Variants in MCM10 observed in about 807,000 individuals in gnomAD.
MCM10 encodes minichromosome maintenance 10 replication initiation factor.
A neutral mutation model predicts 109.9 loss-of-function variants in MCM10; 91 were observed. The observed-to-expected ratio is 0.83, with a 90% CI of 0.70 to 0.99. MCM10 has a LOEUF of 0.99. MCM10 is among the 50% of genes least tolerant of loss of function. MCM10 has a pLI of 0.00. For synonymous variants in MCM10, 380 were observed against 387.2 expected, an observed-to-expected ratio of 0.98 and a Z score of 0.22; for missense variants, 1,077 against 1,061.2, an observed-to-expected ratio of 1.01 and a Z score of -0.21.
Position 13,186,169 on chromosome 10 carries a change from T to C in MCM10, c.1104T>C (p.Cys368=). 6.2e-7 allele frequency: 1 copy of C among 1,600,262 alleles called. No individual in the cohort carries two copies. The highest frequency in any genetic ancestry group is 8.6e-7 in the Non-Finnish European group (1 of 1,168,068). Reference sequence around the variant, plus strand: ...TGCCCCACCTTTTCTTACAGGTGTGTTTATCTATCGATCATCCTCAGAAGG... The same window carrying C: ...TGCCCCACCTTTTCTTACAGGTGTGCTTATCTATCGATCATCCTCAGAAGG... ...MKPKDGSEEV[C]LSIDHPQKVL... is the part of the protein sequence containing the mutation. Residue 368 remains cysteine (C), a synonymous_variant, in exon 9 of 20, where the codon TGT becomes TGC. Transcript: ENST00000378714.
Position 13,186,228 on chromosome 10 carries a change from C to G in MCM10, c.1163C>G (p.Thr388Ser), listed in dbSNP as rs141332737. Reference sequence around the variant, plus strand: ...ATGGGTGAAGCTCTTGACCTGGGAACCTGTAAAGCCAAGAAGAAGAATGGA... The same window carrying G: ...ATGGGTGAAGCTCTTGACCTGGGAAGCTGTAAAGCCAAGAAGAAGAATGGA... The part of the protein sequence containing the change: ...LIMGEALDLG[T>S]CKAKKKNGEP... Residue 388 changes from threonine (T) to serine (S), a missense_variant, in exon 9 of 20, where the codon ACC becomes AGC. Transcript: ENST00000378714. 657 of 1,613,390 alleles carry G rather than the reference C, an allele frequency of 4.1e-4. 6 individuals carry two copies. The African/African-American group carries it at 7.5e-3, about 18-fold the overall frequency.
At chr10:13,164,026 G>C (rs1174762989) in intron 1 of MCM10, 102 bp from the exon 2 acceptor site, 1 of 444,894 alleles carries the variant, frequency 2.2e-6, no homozygotes, top group African/African-American at 2.0e-5. Flanking sequence ...GAATTCTGAG[G>C]TTAGAGCCCA....
chr10:13,188,965 T>C lies in MCM10; in HGVS notation c.1300T>C (p.Ser434Pro), dbSNP rs773787596. ...AKRADLQSTF[S>P]GGRIPKKFAR... ...GCGTGCGGATCTGCAGTCCACCTTC[T>C]CTGGAGGACGAATTCCAAAGAAGTT... The change falls in exon 10 of 20, where the codon TCT becomes CCT. Residue 434 changes from serine (S) to proline (P), a missense_variant. Transcript: ENST00000378714. 3.7e-6 allele frequency: 6 copies of C among 1,614,194 alleles called. No individual in the cohort carries two copies. In the Admixed American group the frequency reaches 1.0e-4, roughly 27 times the overall value.
chr10:13,190,405 C>T (rs1366272542), intron 10 of MCM10, among the ~76,000 whole-genome samples: 1 of 152,146 alleles, frequency 6.6e-6, no homozygotes, highest in Non-Finnish European at 1.5e-5. Context: ...AGTTCTAGGC[C>T]AGGCACAGTG....
In MCM10 at chr10:13,172,593, G is replaced by C; in HGVS notation, c.455-35G>C. 1 of 1,613,044 alleles carries C rather than the reference G, an allele frequency of 6.2e-7. No individual in the cohort carries two copies. The highest frequency in any genetic ancestry group is 8.5e-7 in the Non-Finnish European group (1 of 1,179,516). ...GCCCTTTGAACCTCTTTCTGAATGG[G>C]TTTTTACTCACTTATTTTACTTTTG... On this transcript the variant is annotated intron_variant, in intron 4 of 19. Transcript: ENST00000378714. The surrounding 1 kb of genome is among the most constrained non-coding windows in gnomAD (Gnocchi z 5.2).
chr10:13,171,171 A>G lies in MCM10; in HGVS notation c.257A>G (p.Asp86Gly). The change falls in exon 3 of 20, where the codon GAT (aspartate) becomes GGT (glycine). Residue 86 changes from aspartate to glycine, a missense_variant. By Grantham distance (94) the Asp-to-Gly change is moderately conservative (BLOSUM62 -1). Transcript: ENST00000378714. ...TLFGDMEDLTDEEEVPASQST... is the reference protein window; with the variant it reads ...TLFGDMEDLTGEEEVPASQST... ...TTTGGAGATATGGAGGACTTAACAG[A>G]TGAAGAAGAAGTTCCCGCATCACAG... is the stretch of plus-strand genomic sequence containing the variant. The G allele has an allele frequency of 6.2e-7, 1 of 1,614,236 alleles. No individual in the cohort carries two copies. The highest frequency in any genetic ancestry group is 1.3e-5 in the African/African-American group (1 of 75,064).
rs1460032094 is a variant in MCM10 at position 13,171,217 on chromosome 10, C to T, written c.303C>T (p.Leu101=). The T allele has an allele frequency of 1.9e-6, 3 of 1,613,834 alleles. No individual in the cohort carries two copies. Among genetic ancestry groups the T allele is most frequent in the African/African-American group, 2.7e-5 (2 of 74,982 alleles). ...PASQSTENRV[L]PAPAPRREKT... ...CACAGTCAACTGAAAATAGGGTCCT[C>T]CCTGCTCCTGCCCCCAGGCGAGAGA... Residue 101 remains leucine, a synonymous_variant, in exon 3 of 20, where the codon CTC becomes CTT. Transcript: ENST00000378714.
At chr10:13,187,478 C>A (rs36053670) in intron 9 of MCM10, among the ~76,000 whole-genome samples, 24,897 of 152,144 alleles carry the variant, frequency 0.16, 2,218 homozygotes, top group South Asian at 0.2. Context: ...GTTTTCCACT[C>A]CCTTGGGCAT....
intron 1 of MCM10, 126 bp from the exon 2 acceptor site, chr10:13,164,002 G>A (rs965197616): frequency 3.3e-5 from 13 of 396,676 alleles, no homozygotes; most frequent in Admixed American, 2.7e-4. Context: ...GTGAGAAATG[G>A]TCAGATTCTG....
chr10:13,166,091 A>T (rs933990016), intron 2 of MCM10, among the ~76,000 whole-genome samples: 1 of 151,986 alleles, frequency 6.6e-6, no homozygotes, highest in Admixed American at 6.6e-5. Flanking sequence ...AGACACTGCT[A>T]TGTCTTTGTA....
At position 13,171,153 on chromosome 10, in the gene MCM10, A is replaced by T; in HGVS notation, c.239A>T (p.Asp80Val). ...GAAAATCTGGCCACTCTCTTTGGAG[A>T]TATGGAGGACTTAACAGATGAAGAA... ...EKENLATLFG[D>V]MEDLTDEEEV... The change falls in exon 3 of 20, where the codon GAT (aspartate) becomes GTT (valine). Residue 80 changes from aspartate (D) to valine (V), a missense_variant. Transcript: ENST00000378714. 1 of 1,614,216 alleles carries T rather than the reference A, an allele frequency of 6.2e-7. No homozygotes were observed. Among genetic ancestry groups the T allele is most frequent in the Non-Finnish European group, 8.5e-7 (1 of 1,180,040 alleles).
rs571632983 is a variant in MCM10 at position 13,180,389 on chromosome 10, A to G, written c.765-53A>G. Reference sequence around the variant, plus strand: ...CTCCCTTACCACCTGCTAAGGTGCCAGGTAATTTCTTTATTAGAATCATAA... The same window carrying G: ...CTCCCTTACCACCTGCTAAGGTGCCGGGTAATTTCTTTATTAGAATCATAA... On this transcript the variant is annotated intron_variant, in intron 6 of 19. Transcript: ENST00000378714. 4.1e-5 allele frequency: 62 copies of G among 1,519,484 alleles called. No homozygotes were observed. The East Asian group carries it at 1.4e-3, about 33-fold the overall frequency. 94.1% of individuals were successfully genotyped at this position (1,519,484 alleles called of 1,614,324 possible).
chr10:13,197,508 T>C (rs1834436737), intron 14 of MCM10, 115 bp from the exon 15 acceptor site: 4 of 884,274 alleles, frequency 4.5e-6, no homozygotes, highest in Admixed American at 2.7e-5. Flanking sequence ...GTTCTGCCAA[T>C]TTCTGTCAGA....
intron 2 of MCM10, among the ~76,000 whole-genome samples, chr10:13,170,685 T>A (rs929723694): frequency 6.7e-6 from 1 of 150,248 alleles, no homozygotes; most frequent in African/African-American, 2.4e-5. Context: ...TTTTTTTGTT[T>A]GTTTGTTTGT....
At chr10:13,166,653 C>CATATATATATATAT (rs1355743693) in intron 2 of MCM10, among the ~76,000 whole-genome samples, 6 of 45,524 alleles carry the variant, frequency 1.3e-4, no homozygotes, top group African/African-American at 4.8e-4. Flanking sequence ...AAAAAAAATA[C>CATATATATATATAT]ATACATACAT....
chr10:13,171,081 C>T lies in MCM10; in HGVS notation c.167C>T (p.Thr56Ile). 1 of 1,614,152 alleles carries T rather than the reference C, an allele frequency of 6.2e-7. No individual in the cohort carries two copies. The highest frequency in any genetic ancestry group is 1.3e-5 in the African/African-American group (1 of 75,026). ...GCCGACGGCGACGGTGAATCTTATA[C>T]AGAAGAGGCTGATGATGGAGAAACA... is the stretch of plus-strand genomic sequence containing the variant. The part of the protein sequence containing the change: ...FDADGDGESY[T>I]EEADDGETGE... The change falls in exon 3 of 20, where the codon ACA becomes ATA. Residue 56 changes from threonine to isoleucine, a missense_variant. Thr to Ile is a moderately conservative substitution (Grantham distance 89). Coordinates refer to ENST00000378714, the MANE Select transcript of MCM10 (RefSeq NM_018518.5).
rs1028869135 is a variant in MCM10 at position 13,210,174 on chromosome 10, T to A, written c.*864T>A. 1 of 151,912 alleles carries A rather than the reference T, an allele frequency of 6.6e-6. No individual in the cohort carries two copies. The highest frequency in any genetic ancestry group is 1.5e-5 in the Non-Finnish European group (1 of 67,996). The allele number at this position is 151,912 out of a possible 1,614,324, so 9.4% of individuals were successfully genotyped here. A position where few individuals can be genotyped will look rare whatever the true frequency, so the allele number is the denominator to read the frequency against. ...GGCTCAAGCAGTCCTCCCACCTCAGTCTCCCAAATAGCTAGGACTACAGGC... is the reference window on the plus strand; with the variant it reads ...GGCTCAAGCAGTCCTCCCACCTCAGACTCCCAAATAGCTAGGACTACAGGC... On this transcript the variant is annotated 3_prime_UTR_variant, in exon 20 of 20. Coordinates refer to ENST00000378714, the MANE Select transcript of MCM10 (RefSeq NM_018518.5).
chr10:13,201,124 T>C (rs1834492659), intron 16 of MCM10, among the ~76,000 whole-genome samples: 2 of 152,066 alleles, frequency 1.3e-5, no homozygotes, highest in African/African-American at 4.8e-5. Flanking sequence ...CTAGCCTAGG[T>C]TACAGCGAGA....
Position 13,164,147 on chromosome 10 carries a change from A to T in MCM10, c.-56A>T. The T allele has an allele frequency of 6.6e-7, 1 of 1,522,196 alleles. No individual in the cohort carries two copies. The highest frequency in any genetic ancestry group is 8.8e-7 in the Non-Finnish European group (1 of 1,130,794). The allele number at this position is 1,522,196 out of a possible 1,614,324, so 94.3% of individuals were successfully genotyped here. On this transcript the variant is annotated 5_prime_UTR_variant, in exon 2 of 20. Coordinates refer to ENST00000378714, the MANE Select transcript of MCM10 (RefSeq NM_018518.5). ...ACACAGCCAAGATTCTACATTGCTC[A>T]TCTGGGCATCTGAGCCTCCTTCGAA...
Sources: allele counts gnomAD v4.1 joint callset (sites outside exome capture counted in the v4.1 genomes callset), GRCh38; gene constraint gnomAD v4.1.1; non-coding constraint Gnocchi (gnomAD v3.1); transcripts MANE v1.5; gene names NCBI Gene and HGNC (gene_info 2026-07-23, HGNC 2026-07-21).